The following SLC39A10 variants were observed in gnomAD, a reference collection of about 807,000 sequenced individuals.
SLC39A10 encodes the protein solute carrier family 39 member 10.
In SLC39A10, 13 loss-of-function variants were observed where a neutral mutation model predicts 65.1. The ratio of observed to expected loss-of-function variants is 0.20; its 90% CI spans 0.13 to 0.32. SLC39A10 has a LOEUF of 0.32. SLC39A10 is among the 10% of genes least tolerant of loss of function. The pLI is 1.00. For synonymous variants in SLC39A10, 321 were observed against 342.2 expected, an observed-to-expected ratio of 0.94 and a Z score of 0.68; for missense variants, 831 against 1,018.4, an observed-to-expected ratio of 0.82 and a Z score of 2.50.
Position 195,625,222 on chromosome 2 carries a change from A to AAAAGAAAGAAAGAAAGAAAG in SLC39A10, c.-12+18995_-12+19014dup, listed in dbSNP as rs376327259. ...ACAGAGGGACACTCTGTCTCAAAAA[A>AAAAGAAAGAAAGAAAGAAAG]AAAGAAAGAAAGAAAGAAAGAAAGA... On this transcript the variant is annotated intron_variant, in intron 2 of 2. Transcript: ENST00000458054. Among the ~76,000 whole-genome samples the AAAAGAAAGAAAGAAAGAAAG allele has an allele frequency of 9.4e-3, 1,057 of 112,268 alleles. 15 individuals carry two copies. The highest frequency in any genetic ancestry group is 0.031 in the African/African-American group (1,004 of 32,622). 73.7% of individuals were successfully genotyped at this position (112,268 alleles called of 152,430 possible).
chr2:195,636,580 T>G (rs1688700655), intron 2 of SLC39A10, among the ~76,000 whole-genome samples: 1 of 151,562 alleles, frequency 6.6e-6, no homozygotes, highest in Non-Finnish European at 1.5e-5. Flanking sequence ...TGAAACCCAG[T>G]CTCTACTAAA....
At chr2:195,692,905 C>T (rs148460041) in intron 3 of SLC39A10, among the ~76,000 whole-genome samples, 14 of 152,116 alleles carry the variant, frequency 9.2e-5, no homozygotes, top group African/African-American at 2.6e-4. Context: ...TGTCTTGTTC[C>T]GGTTCTCAGG....
rs1692611450 is a variant in SLC39A10 at position 195,736,514 on chromosome 2, C to T, written c.*1473C>T. 1.3e-5 allele frequency: 2 copies of T among 158,142 alleles called. No homozygotes were observed. Among genetic ancestry groups the T allele is most frequent in the Admixed American group, 1.3e-4 (2 of 15,266 alleles). 9.8% of individuals were successfully genotyped at this position (158,142 alleles called of 1,614,324 possible). ...AAATATATAAGAGCCAAACTCTTTT[C>T]CATTCCATCTAAAATGTTTTCATTT... On this transcript the variant is annotated 3_prime_UTR_variant, in exon 10 of 10. Coordinates refer to ENST00000359634, the MANE Select transcript of SLC39A10 (RefSeq NM_020342.3).
intron 9 of SLC39A10, among the ~76,000 whole-genome samples, chr2:195,732,263 G>A (rs1364470252): frequency 6.6e-6 from 1 of 152,184 alleles, no homozygotes; most frequent in Non-Finnish European, 1.5e-5. Flanking sequence ...GCTCTATGGA[G>A]GAAGACTTTT....
intron 8 of SLC39A10, among the ~76,000 whole-genome samples, chr2:195,721,960 T>G (rs991379788): frequency 4.6e-5 from 7 of 152,220 alleles, no homozygotes; most frequent in African/African-American, 1.4e-4. Context: ...CTTACCACCC[T>G]TTTTCTGTCT....
chr2:195,724,264 T>C (rs919262683), intron 8 of SLC39A10, among the ~76,000 whole-genome samples: 1 of 152,180 alleles, frequency 6.6e-6, no homozygotes, highest in Non-Finnish European at 1.5e-5. Context: ...GCTAATGATA[T>C]CCCTTGTCAG....
At chr2:195,618,795 T>G (rs1285573785) in intron 2 of SLC39A10, among the ~76,000 whole-genome samples, 1 of 152,014 alleles carries the variant, frequency 6.6e-6, no homozygotes, top group Non-Finnish European at 1.5e-5. Context: ...ATACATGTGT[T>G]AAGAGAAAGG....
Position 195,728,343 on chromosome 2 carries a change from G to C in SLC39A10, c.2331G>C (p.Val777=). The C allele has an allele frequency of 1.2e-6, 2 of 1,611,222 alleles. No homozygotes were observed. The highest frequency in any genetic ancestry group is 1.7e-6 in the Non-Finnish European group (2 of 1,178,340). Residue 777 remains valine, a synonymous_variant, in exon 9 of 10, where the codon GTG becomes GTC. Transcript: ENST00000359634. This position sits in a 1 kb window ranked among gnomAD's most constrained non-coding sequence, Gnocchi z 4.4. ...GCATGTTCCTCTATGTAGCCTTGGT[G>C]GATATGGTAAGATATTTTATATTTT... ...TAGMFLYVAL[V]DMLPEMLHGD...
At chr2:195,706,852 T>G (rs1691417481) in intron 4 of SLC39A10, 67 bp downstream of exon 4, 2 of 1,175,352 alleles carry the variant, frequency 1.7e-6, no homozygotes, top group African/African-American at 3.2e-5. Flanking sequence ...GGGTCCTTCA[T>G]TAGCAAGCTA....
intron 1 of SLC39A10, among the ~76,000 whole-genome samples, chr2:195,661,777 A>G (rs1201175032): frequency 1.3e-5 from 2 of 152,238 alleles, no homozygotes. Flanking sequence ...TACTGGTGAT[A>G]CAGGTTTGCA....
In SLC39A10 at chr2:195,728,249, T is replaced by C. The variant is rs775605720; in HGVS notation, c.2237T>C (p.Met746Thr). 9 of 1,613,976 alleles carry C rather than the reference T, an allele frequency of 5.6e-6. No homozygotes were observed. The highest frequency in any genetic ancestry group is 6.8e-6 in the Non-Finnish European group (8 of 1,179,932). Residue 746 changes from methionine to threonine, a missense_variant, in exon 9 of 10, where the codon ATG (methionine) becomes ACG (threonine). Transcript: ENST00000359634. The surrounding 1 kb of genome is among the most constrained non-coding windows in gnomAD (Gnocchi z 4.4). ...LLSAMMAYIGMLIGTAVGQYA... is the reference protein window; with the variant it reads ...LLSAMMAYIGTLIGTAVGQYA... ...TCTGCCATGATGGCTTACATAGGCATGCTCATAGGCACAGCTGTTGGTCAG... is the reference window on the plus strand; with the variant it reads ...TCTGCCATGATGGCTTACATAGGCACGCTCATAGGCACAGCTGTTGGTCAG...
chr2:195,666,051 C>T (rs902284462), intron 1 of SLC39A10, among the ~76,000 whole-genome samples: 1 of 151,778 alleles, frequency 6.6e-6, no homozygotes, highest in African/African-American at 2.4e-5. Flanking sequence ...TTTTTTTGTC[C>T]TTTTATTTAA....
At chr2:195,701,435 C>CTTTTTTTTTTTTT (rs66525117) in intron 3 of SLC39A10, among the ~76,000 whole-genome samples, 21 of 5,494 alleles carry the variant, frequency 3.8e-3, no homozygotes, top group Non-Finnish European at 4.4e-3. Flanking sequence ...TTCTGTGATT[C>CTTTTTTTTTTTTT]TTTTTTTTTT....
In SLC39A10 at chr2:195,639,644, C is replaced by T. The variant is rs116637324; in HGVS notation, c.-12+33411C>T. 4.0e-3 allele frequency among the ~76,000 whole-genome samples: 613 copies of T among 152,196 alleles called. 2 individuals carry two copies. Among genetic ancestry groups the T allele is most frequent in the African/African-American group, 0.014 (585 of 41,514 alleles). Reference sequence around the variant, plus strand: ...TGTCACCCAGGCTGGAGTGCAGTGACGCAATCTCTGCTAACTGCAACCTTC... The same window carrying T: ...TGTCACCCAGGCTGGAGTGCAGTGATGCAATCTCTGCTAACTGCAACCTTC... On this transcript the variant is annotated intron_variant, in intron 2 of 2. Transcript: ENST00000458054.
chr2:195,729,639 T>C (rs1185803010), intron 9 of SLC39A10, among the ~76,000 whole-genome samples: 1 of 152,156 alleles, frequency 6.6e-6, no homozygotes, highest in African/African-American at 2.4e-5. Context: ...CCTTTCTCTT[T>C]CCCACACCAT....
intron 3 of SLC39A10, among the ~76,000 whole-genome samples, chr2:195,685,549 A>C (rs1690492544): frequency 6.6e-6 from 1 of 152,078 alleles, no homozygotes; most frequent in Non-Finnish European, 1.5e-5. Flanking sequence ...ATAATAAACT[A>C]CTGATAATAG....
At chr2:195,660,564 G>A (rs1689351851) in intron 1 of SLC39A10, among the ~76,000 whole-genome samples, 1 of 152,124 alleles carries the variant, frequency 6.6e-6, no homozygotes, top group African/African-American at 2.4e-5. Flanking sequence ...CTGTAAATCT[G>A]GTCTATTTTA....
intron 2 of SLC39A10, among the ~76,000 whole-genome samples, chr2:195,621,959 A>G (rs1448840688): frequency 6.6e-6 from 1 of 152,168 alleles, no homozygotes. Flanking sequence ...CCATATAGTA[A>G]ATGGTTGTGC....
intron 2 of SLC39A10, among the ~76,000 whole-genome samples, chr2:195,650,590 G>A (rs1348268656): frequency 6.6e-6 from 1 of 151,928 alleles, no homozygotes; most frequent in Non-Finnish European, 1.5e-5. Context: ...CTTAAACTAA[G>A]GGTTCTGGTT....
Sources: allele counts gnomAD v4.1 joint callset (sites outside exome capture counted in the v4.1 genomes callset), GRCh38; gene constraint gnomAD v4.1.1; non-coding constraint Gnocchi (gnomAD v3.1); transcripts MANE v1.5; gene names NCBI Gene and HGNC (gene_info 2026-07-23, HGNC 2026-07-21).